The following MLLT10 variants were observed in gnomAD, a reference collection of about 807,000 sequenced individuals.
The protein encoded by MLLT10 is protein AF-10.
Under a neutral mutation model 129.1 loss-of-function variants are expected in MLLT10, and 30 were observed. The observed-to-expected ratio is 0.23, with a 90% CI of 0.17 to 0.32. The LOEUF is 0.32. Among genes scored for constraint, MLLT10 ranks in the 10% least tolerant of loss-of-function variants. MLLT10 has a pLI of 1.00. For synonymous variants in MLLT10, 490 were observed against 446.4 expected, an observed-to-expected ratio of 1.10 and a Z score of -1.23; for missense variants, 1,119 against 1,268.3, an observed-to-expected ratio of 0.88 and a Z score of 1.79.
In MLLT10 at chr10:21,682,263, T is replaced by C; in HGVS notation, c.1699+6T>C. ...GCTGAATGCAATACACAACGGTAAG[T>C]TTTATTAGAATCTTCTCTAGTGGTT... On this transcript the variant is annotated splice_donor_region_variant and intron_variant, in intron 13 of 22. Transcript: ENST00000307729. 1 of 1,608,722 alleles carries C rather than the reference T, an allele frequency of 6.2e-7. No individual in the cohort carries two copies. Among genetic ancestry groups the C allele is most frequent in the East Asian group, 2.2e-5 (1 of 44,630 alleles).
chr10:21,683,095 G>A (rs951053774), intron 13 of MLLT10, among the ~76,000 whole-genome samples: 2 of 152,074 alleles, frequency 1.3e-5, no homozygotes, highest in Non-Finnish European at 1.5e-5. Flanking sequence ...ATTTGCAGTC[G>A]ATTTGTGTTG....
intron 8 of MLLT10, among the ~76,000 whole-genome samples, chr10:21,648,654 G>C (rs912143151): frequency 6.6e-6 from 1 of 152,150 alleles, no homozygotes; most frequent in Non-Finnish European, 1.5e-5. Context: ...TCATAGACTA[G>C]AGTGTATAAA....
rs145023528 is a variant in MLLT10, at chr10:21,565,251, C to T, written c.241-21043C>T. On this transcript the variant is annotated intron_variant, in intron 3 of 22. Coordinates refer to ENST00000307729, the MANE Select transcript of MLLT10 (RefSeq NM_001195626.3). The stretch of plus-strand genomic sequence containing the variant: ...CTTTTTAATTTTTTTTTGCTTTCAA[C>T]GTGCTTATTTGAAGTAAATTTCTTG... Among the ~76,000 whole-genome samples, 4 of 151,768 alleles carry T rather than the reference C, an allele frequency of 2.6e-5. No individual in the cohort carries two copies. In the South Asian group the frequency reaches 6.3e-4, roughly 24 times the overall value.
At chr10:21,717,539 C>G (rs2056706844) in intron 14 of MLLT10, among the ~76,000 whole-genome samples, 1 of 118,734 alleles carries the variant, frequency 8.4e-6, no homozygotes, top group Admixed American at 9.1e-5. Context: ...CCTCCTCCTC[C>G]TCCCTTCTTC....
At chr10:21,659,102 G>A (rs1016487856) in intron 9 of MLLT10, among the ~76,000 whole-genome samples, 4 of 150,970 alleles carry the variant, frequency 2.6e-5, no homozygotes, top group African/African-American at 7.3e-5. Context: ...TCTGGATGCA[G>A]GTCCTTTGTC....
intron 6 of MLLT10, 57 bp downstream of exon 6, chr10:21,612,508 A>G (rs776249276): frequency 4.7e-5 from 51 of 1,081,480 alleles, no homozygotes; most frequent in East Asian, 7.5e-5. Context: ...TTGTGTAACA[A>G]TCATAAGTTA....
intron 13 of MLLT10, among the ~76,000 whole-genome samples, chr10:21,692,447 G>A (rs1422104763): frequency 6.6e-6 from 1 of 152,088 alleles, no homozygotes; most frequent in East Asian, 1.9e-4. Context: ...TGGGATTACA[G>A]GCATGAACCA....
Position 21,535,102 on chromosome 10 carries a change from C to A in MLLT10, c.160+298C>A, listed in dbSNP as rs936091326. ...GGCGGGGCAGGGCGGCGGCCGCGCC[C>A]TCGAGATCTGGGCCGGGGTGGGGGC... On this transcript the variant is annotated intron_variant, in intron 2 of 22. Transcript: ENST00000307729. Among the ~76,000 whole-genome samples the A allele has an allele frequency of 5.3e-5, 7 of 132,852 alleles. 1 individual carries two copies. The highest frequency in any genetic ancestry group is 4.7e-4 in the Admixed American group (6 of 12,650). 87.2% of individuals were successfully genotyped at this position (132,852 alleles called of 152,430 possible).
intron 4 of MLLT10, among the ~76,000 whole-genome samples, chr10:21,590,344 A>G (rs1480785711): frequency 1.4e-5 from 2 of 145,248 alleles, no homozygotes; most frequent in African/African-American, 2.5e-5. Context: ...TGCCAATAGT[A>G]TTTTTTTTTT....
intron 3 of MLLT10, among the ~76,000 whole-genome samples, chr10:21,562,588 T>C (rs1302947278): frequency 6.6e-6 from 1 of 152,040 alleles, no homozygotes; most frequent in Non-Finnish European, 1.5e-5. Context: ...CCCACCTGCC[T>C]CAGCCTCCCA....
chr10:21,559,303 C>T (rs1036432554), intron 3 of MLLT10, among the ~76,000 whole-genome samples: 6 of 152,114 alleles, frequency 3.9e-5, no homozygotes, highest in African/African-American at 7.2e-5. Flanking sequence ...AGGCTGGTCT[C>T]GAACTCCTGA....
intron 14 of MLLT10, among the ~76,000 whole-genome samples, chr10:21,717,792 TCTTCTTCTC>T (rs2056813104): frequency 7.3e-6 from 1 of 136,148 alleles, no homozygotes; most frequent in African/African-American, 2.9e-5. Flanking sequence ...TTCTTCTTCT[TCTTCTTCTC>T]CTTCTTCTTC....
intron 8 of MLLT10, chr10:21,625,751 G>A (rs558225247): frequency 3.1e-5 from 24 of 768,130 alleles, no homozygotes; most frequent in East Asian, 2.4e-4. Flanking sequence ...TTACCAGGGC[G>A]AATTTCATAG....
rs1383370604 is a variant in MLLT10 at position 21,735,139 on chromosome 10, T to C, written c.2859T>C (p.Ser953=). The C allele has an allele frequency of 5.0e-6, 8 of 1,610,506 alleles. No individual in the cohort carries two copies. The Middle Eastern group carries it at 4.9e-4, about 99-fold the overall frequency. ...THPMPATLTN[S]ASGLGLLSDQ... ...AGTAAGAATTGTAATCATTTTTCAGTGCCTCAGGACTAGGATTACTTTCTG... is the reference window on the plus strand; with the variant it reads ...AGTAAGAATTGTAATCATTTTTCAGCGCCTCAGGACTAGGATTACTTTCTG... The change falls in exon 21 of 23, where the codon AGT becomes AGC. Residue 953 remains serine (S), a splice_region_variant and synonymous_variant. Coordinates refer to ENST00000307729, the MANE Select transcript of MLLT10 (RefSeq NM_001195626.3).
chr10:21,584,929 TTTTTTTTGAGA>T (rs1245924398), intron 3 of MLLT10, among the ~76,000 whole-genome samples: 1 of 151,084 alleles, frequency 6.6e-6, no homozygotes, highest in African/African-American at 2.4e-5. Flanking sequence ...TTTATTTTTG[TTTTTTTTGAGA>T]TAGGGTTCAC....
In MLLT10 at chr10:21,539,511, C is replaced by A. The variant is rs547143925; in HGVS notation, c.240+599C>A. Among the ~76,000 whole-genome samples, 24 of 151,206 alleles carry A rather than the reference C, an allele frequency of 1.6e-4. No individual in the cohort carries two copies. The East Asian group carries it at 1.9e-3, about 12-fold the overall frequency. ...AGGAGGTGCCGGGTGCAGTGGTTCA[C>A]ACCTGTAATCCCAGCACTTTGGGAG... On this transcript the variant is annotated intron_variant, in intron 3 of 22. Coordinates refer to ENST00000307729, the MANE Select transcript of MLLT10 (RefSeq NM_001195626.3).
At chr10:21,654,462 T>C (rs1421157516) in intron 9 of MLLT10, among the ~76,000 whole-genome samples, 2 of 152,156 alleles carry the variant, frequency 1.3e-5, no homozygotes, top group East Asian at 1.9e-4. Flanking sequence ...CGTTTTTTGG[T>C]AAAGTAAGAA....
intron 4 of MLLT10, among the ~76,000 whole-genome samples, chr10:21,591,657 A>G (rs1490742600): frequency 6.6e-6 from 1 of 151,788 alleles, no homozygotes; most frequent in Non-Finnish European, 1.5e-5. Flanking sequence ...ATATTTATCT[A>G]TATAGTGGTT....
In MLLT10 at chr10:21,534,267, G is replaced by GC; in HGVS notation, c.-249dup. 1 of 388,092 alleles carries GC rather than the reference G, an allele frequency of 2.6e-6. No homozygotes were observed. Among genetic ancestry groups the GC allele is most frequent in the East Asian group, 3.6e-5 (1 of 28,022 alleles). 24.0% of individuals were successfully genotyped at this position (388,092 alleles called of 1,614,324 possible). A position where few individuals can be genotyped will look rare whatever the true frequency, so the allele number is the denominator to read the frequency against. Reference sequence around the variant, plus strand: ...AGTGACGCTCCGAGGAGGAAGCGCAGCCCCCTTCCCCTCCCTCGCTGCCCC... The same window carrying GC: ...AGTGACGCTCCGAGGAGGAAGCGCAGCCCCCCTTCCCCTCCCTCGCTGCCCC... On this transcript the variant is annotated 5_prime_UTR_variant, in exon 1 of 23. Transcript: ENST00000307729.
Sources: gnomAD v4.1 joint callset for allele counts (sites outside exome capture counted in the v4.1 genomes callset) on GRCh38, gnomAD v4.1.1 for gene constraint, MANE v1.5 for transcripts, NCBI Gene and HGNC (gene_info 2026-07-23, HGNC 2026-07-21) for gene names.